The following NUDT9 variants were observed in gnomAD, a reference collection of about 807,000 sequenced individuals.
NUDT9 encodes the protein ADP-ribose pyrophosphatase.
A neutral mutation model predicts 41.0 loss-of-function variants in NUDT9; 31 were observed. That is an observed-to-expected ratio of 0.76 (90% CI 0.57 to 1.02). The LOEUF is 1.02. Ranked by LOEUF, NUDT9 falls within the 50% of genes least tolerant of loss-of-function variation. The pLI, the probability that NUDT9 is intolerant of heterozygous loss-of-function variation, is 0.00. For missense variants in NUDT9, 380 were observed against 431.4 expected, an observed-to-expected ratio of 0.88 and a Z score of 1.06; for synonymous variants, 146 against 147.6, an observed-to-expected ratio of 0.99 and a Z score of 0.08.
At chr4:87,432,712 G>A (rs1195751195) in intron 1 of NUDT9, among the ~76,000 whole-genome samples, 1 of 150,966 alleles carries the variant, frequency 6.6e-6, no homozygotes, top group African/African-American at 2.4e-5. Context: ...TTCTTAAATC[G>A]TGAAAGGGTG....
chr4:87,429,687 CG>C (rs56270752), intron 1 of NUDT9, among the ~76,000 whole-genome samples: 13,269 of 147,068 alleles, frequency 0.09, 913 homozygotes, highest in East Asian at 0.32. Flanking sequence ...TCTCTCTCCC[CG>C]TTTCCCCCCC....
chr4:87,432,863 A>G (rs1721747432), intron 1 of NUDT9, among the ~76,000 whole-genome samples: 1 of 151,986 alleles, frequency 6.6e-6, no homozygotes, highest in Non-Finnish European at 1.5e-5. Flanking sequence ...TCCCTTGGTC[A>G]TGGCATATAA....
intron 1 of NUDT9, among the ~76,000 whole-genome samples, chr4:87,431,302 A>G (rs1401500239): frequency 2.6e-5 from 4 of 152,184 alleles, no homozygotes; most frequent in African/African-American, 9.7e-5. Flanking sequence ...GTCTTTCTGT[A>G]TGCCAGTATC....
At chr4:87,445,799 A>G (rs999000613) in intron 4 of NUDT9, among the ~76,000 whole-genome samples, 2 of 152,190 alleles carry the variant, frequency 1.3e-5, no homozygotes, top group Admixed American at 1.3e-4. Flanking sequence ...AATGTATTTA[A>G]TACTAATAAA....
At chr4:87,440,109 T>G (rs147320563) in intron 3 of NUDT9, among the ~76,000 whole-genome samples, 1 of 152,340 alleles carries the variant, frequency 6.6e-6, no homozygotes, top group Non-Finnish European at 1.5e-5. Flanking sequence ...GGTTCTTTTA[T>G]AGATACAATT....
chr4:87,442,790 G>A (rs1294085267), intron 4 of NUDT9, among the ~76,000 whole-genome samples: 1 of 152,078 alleles, frequency 6.6e-6, no homozygotes, highest in Non-Finnish European at 1.5e-5. Context: ...CAATATCACT[G>A]TTTTCCACCT....
chr4:87,446,823 TA>T (rs1316520441), intron 4 of NUDT9, among the ~76,000 whole-genome samples: 1 of 152,210 alleles, frequency 6.6e-6, no homozygotes, highest in Admixed American at 6.5e-5. Flanking sequence ...TAATAAATGC[TA>T]TCTAAATGGC....
In NUDT9 at chr4:87,454,426, C is replaced by G. The variant is rs764507553; in HGVS notation, c.845C>G (p.Thr282Arg). ...PRNTDNAWME[T>R]EAVNYHDETG... ...AACACTGATAATGCATGGATGGAGA[C>G]AGAAGCTGTGAACTACCATGACGAA... Residue 282 changes from threonine (T) to arginine (R), a missense_variant, in exon 7 of 8, where the codon ACA becomes AGA. Thr to Arg is a moderately conservative substitution (Grantham distance 71). Coordinates refer to ENST00000302174, the MANE Select transcript of NUDT9 (RefSeq NM_024047.5). 6.2e-7 allele frequency: 1 copy of G among 1,610,240 alleles called. No individual in the cohort carries two copies. The highest frequency in any genetic ancestry group is 1.7e-5 in the Admixed American group (1 of 60,020).
rs1369546723 is a variant in NUDT9 at position 87,422,902 on chromosome 4, G to T, written c.-4G>T. On this transcript the variant is annotated 5_prime_UTR_variant, in exon 1 of 8. Coordinates refer to ENST00000302174, the MANE Select transcript of NUDT9 (RefSeq NM_024047.5). ...AGCATCGCAAAGCCGCCCTCGGGGC[G>T]CTCATGGCGGGACGCCTCCTGGGAA... 6.2e-7 allele frequency: 1 copy of T among 1,608,410 alleles called. No homozygotes were observed. The highest frequency in any genetic ancestry group is 1.1e-5 in the South Asian group (1 of 90,878).
intron 1 of NUDT9, among the ~76,000 whole-genome samples, chr4:87,424,925 C>G (rs796421751): frequency 1.3e-5 from 2 of 152,312 alleles, no homozygotes; most frequent in African/African-American, 4.8e-5. Flanking sequence ...CAACAGTTAA[C>G]AAATGTGCCA....
chr4:87,450,203 G>A (rs755178958), intron 5 of NUDT9, among the ~76,000 whole-genome samples: 2 of 151,698 alleles, frequency 1.3e-5, no homozygotes, highest in South Asian at 4.2e-4. Context: ...TGTGGTAGAG[G>A]GTTTTATATT....
intron 3 of NUDT9, among the ~76,000 whole-genome samples, chr4:87,440,115 C>G (rs1022285952): frequency 6.6e-6 from 1 of 151,968 alleles, no homozygotes; most frequent in Non-Finnish European, 1.5e-5. Flanking sequence ...TTTATAGATA[C>G]AATTATAAAA....
chr4:87,438,236 G>T (rs769761551), intron 2 of NUDT9, 41 bp from the exon 3 acceptor site: 1 of 1,050,660 alleles, frequency 9.5e-7, no homozygotes, highest in South Asian at 1.3e-5. Flanking sequence ...TGGTAGTTTT[G>T]AATCATTATT....
intron 1 of NUDT9, chr4:87,434,335 C>G (rs1721813384): frequency 6.6e-6 from 1 of 151,980 alleles, no homozygotes; most frequent in African/African-American, 2.4e-5. Context: ...TGAGCCACCA[C>G]ACCTGGCCTA....
chr4:87,452,608 A>G (rs1157059690), intron 6 of NUDT9, among the ~76,000 whole-genome samples: 2 of 151,508 alleles, frequency 1.3e-5, no homozygotes, highest in Non-Finnish European at 2.9e-5. Context: ...ACACCACCGC[A>G]CTGGGCTAAT....
At position 87,435,238 on chromosome 4, in the gene NUDT9, C is replaced by T. The variant is rs372795748; in HGVS notation, c.347+18C>T. The T allele has an allele frequency of 6.3e-7, 1 of 1,587,588 alleles. No homozygotes were observed. The highest frequency in any genetic ancestry group is 1.4e-5 in the African/African-American group (1 of 73,846). On this transcript the variant is annotated intron_variant, in intron 2 of 7. Transcript: ENST00000302174. ...CAGATCAGGTGAGCAAATAAGACAG[C>T]GTTAGCTGGGAATAAGACTTTTAGA... is the stretch of plus-strand genomic sequence containing the variant.
At chr4:87,442,200 C>CTA (rs1443036161) in intron 4 of NUDT9, among the ~76,000 whole-genome samples, 1 of 152,158 alleles carries the variant, frequency 6.6e-6, no homozygotes, top group Non-Finnish European at 1.5e-5. Context: ...ATGCCATATG[C>CTA]TATAGCCTAT....
chr4:87,451,518 C>T (rs1040141982), intron 5 of NUDT9, 71 bp from the exon 6 acceptor site: 12 of 1,203,442 alleles, frequency 1.0e-5, no homozygotes, highest in East Asian at 2.4e-5. Flanking sequence ...GTTCACTCTA[C>T]TACTCAATAA....
chr4:87,441,427 CAG>C (rs1471774484), intron 3 of NUDT9, among the ~76,000 whole-genome samples: 1 of 152,032 alleles, frequency 6.6e-6, no homozygotes, highest in African/African-American at 2.4e-5. Flanking sequence ...TTTAATGTAA[CAG>C]GGACAATTTT....
Sources: gnomAD v4.1 joint callset for allele counts (sites outside exome capture counted in the v4.1 genomes callset) on GRCh38, gnomAD v4.1.1 for gene constraint, MANE v1.5 for transcripts, NCBI Gene and HGNC (gene_info 2026-07-23, HGNC 2026-07-21) for gene names.